MACROD2: variants seen among roughly 807,000 people sequenced by gnomAD.
The protein encoded by MACROD2 is ADP-ribose glycohydrolase MACROD2.
MACROD2 carries 36 observed loss-of-function variants against 70.4 expected under a neutral mutation model. That is an observed-to-expected ratio of 0.51 (90% CI 0.39 to 0.68). The LOEUF (loss-of-function observed/expected upper bound fraction) is 0.68. MACROD2 is among the 30% of genes least tolerant of loss of function. The probability of loss-of-function intolerance (pLI) is 0.00; values close to 1 mark genes in which losing one functional copy is unlikely to be tolerated. For synonymous variants in MACROD2, 172 were observed against 178.8 expected (o/e 0.96, Z 0.30); for missense variants, 496 against 538.4 (o/e 0.92, Z 0.78).
At chr20:15,085,859 A>G (rs2075743000) in intron 5 of MACROD2, among the ~76,000 whole-genome samples, 4 of 122,416 alleles carry the variant, frequency 3.3e-5, no homozygotes, top group South Asian at 2.6e-4. Context: ...AAGATGAATA[A>G]CACACACACA....
At chr20:15,516,713 A>G (rs1411857212) in intron 8 of MACROD2, among the ~76,000 whole-genome samples, 1 of 152,204 alleles carries the variant, frequency 6.6e-6, no homozygotes, top group Non-Finnish European at 1.5e-5. Flanking sequence ...TCCTCGGTCC[A>G]CAGACTCAAG....
chr20:15,680,563 C>T (rs1452146956), intron 8 of MACROD2, among the ~76,000 whole-genome samples: 2 of 152,158 alleles, frequency 1.3e-5, no homozygotes, highest in Non-Finnish European at 2.9e-5. Context: ...CCTTGATTGG[C>T]CACTACCTGT....
At chr20:15,339,193 A>G (rs2078080992) in intron 6 of MACROD2, among the ~76,000 whole-genome samples, 2 of 151,890 alleles carry the variant, frequency 1.3e-5, no homozygotes, top group African/African-American at 4.9e-5. Flanking sequence ...GGTACATGAT[A>G]GATACCTTTG....
intron 8 of MACROD2, among the ~76,000 whole-genome samples, chr20:15,747,211 G>A (rs1222101489): frequency 6.6e-6 from 1 of 152,076 alleles, no homozygotes; most frequent in Non-Finnish European, 1.5e-5. Flanking sequence ...CAAATAGGAG[G>A]CCTCTGAATG....
intron 4 of MACROD2, among the ~76,000 whole-genome samples, chr20:14,673,442 G>A (rs1034856365): frequency 6.6e-6 from 1 of 152,122 alleles, no homozygotes; most frequent in Non-Finnish European, 1.5e-5. Context: ...GGGTTTCCAT[G>A]GCTGGAGAGA....
chr20:14,229,307 C>G (rs191876312), intron 3 of MACROD2, among the ~76,000 whole-genome samples: 5 of 152,234 alleles, frequency 3.3e-5, no homozygotes, highest in Admixed American at 3.3e-4. Context: ...TGGGAGAAAA[C>G]TTTGTAAATA....
chr20:15,127,064 C>T (rs1227585419), intron 5 of MACROD2, among the ~76,000 whole-genome samples: 1 of 152,058 alleles, frequency 6.6e-6, no homozygotes, highest in Non-Finnish European at 1.5e-5. Context: ...ACTTCCACTG[C>T]CACACTCTTG....
intron 4 of MACROD2, among the ~76,000 whole-genome samples, chr20:14,541,278 G>C (rs935812148): frequency 6.6e-6 from 1 of 152,040 alleles, no homozygotes; most frequent in Non-Finnish European, 1.5e-5. Context: ...GTGCATTTAA[G>C]GTCTTCCCAT....
intron 3 of MACROD2, among the ~76,000 whole-genome samples, chr20:14,391,590 C>T (rs1335845935): frequency 6.6e-6 from 1 of 151,706 alleles, no homozygotes; most frequent in Non-Finnish European, 1.5e-5. Context: ...AGTTATGTAA[C>T]AAACCTCCAC....
At position 15,229,933 on chromosome 20, in the gene MACROD2, T is replaced by G. The variant is rs1317118060; in HGVS notation, c.419-7T>G. Reference sequence around the variant, plus strand: ...TATCCTCTTTTTCCTTCCTTTTGTATTTACAGATGTCATCCATACTGTAGG... The same window carrying G: ...TATCCTCTTTTTCCTTCCTTTTGTAGTTACAGATGTCATCCATACTGTAGG... On this transcript the variant is annotated splice_polypyrimidine_tract_variant and splice_region_variant and intron_variant, in intron 5 of 17. Transcript: ENST00000684519. 6.3e-7 allele frequency: 1 copy of G among 1,596,252 alleles called. No individual in the cohort carries two copies. The highest frequency in any genetic ancestry group is 2.2e-5 in the East Asian group (1 of 44,638).
chr20:15,987,325 G>C (rs903507916), intron 15 of MACROD2, among the ~76,000 whole-genome samples, 167 bp downstream of exon 15: 1 of 152,132 alleles, frequency 6.6e-6, no homozygotes, highest in African/African-American at 2.4e-5. Context: ...AAATCTAGAA[G>C]TAGCAAAAGA....
At chr20:15,162,414 C>T (rs76586979) in intron 5 of MACROD2, among the ~76,000 whole-genome samples, 25,579 of 151,944 alleles carry the variant, frequency 0.17, 2,913 homozygotes, top group Non-Finnish European at 0.26. Flanking sequence ...AGGTTATATT[C>T]GTGGTGAAAG....
chr20:14,785,608 C>G (rs2072360204), intron 5 of MACROD2, among the ~76,000 whole-genome samples: 1 of 152,024 alleles, frequency 6.6e-6, no homozygotes, highest in African/African-American at 2.4e-5. Context: ...AACAATGATA[C>G]ACAGTGTGTC....
chr20:14,231,656 G>C (rs1477487127), intron 3 of MACROD2, among the ~76,000 whole-genome samples: 1 of 152,174 alleles, frequency 6.6e-6, no homozygotes, highest in African/African-American at 2.4e-5. Context: ...TATATACCCA[G>C]TAATGGGATG....
intron 6 of MACROD2, among the ~76,000 whole-genome samples, chr20:15,407,227 G>A (rs2046015037): frequency 6.6e-6 from 1 of 152,172 alleles, no homozygotes; most frequent in East Asian, 1.9e-4. Flanking sequence ...GCTTTGTTCA[G>A]TTACAGGCGA....
At chr20:15,419,478 G>A (rs1465266488) in intron 6 of MACROD2, among the ~76,000 whole-genome samples, 1 of 152,176 alleles carries the variant, frequency 6.6e-6, no homozygotes, top group African/African-American at 2.4e-5. Context: ...GCTCCCAGGT[G>A]TATCTGTCCT....
intron 5 of MACROD2, among the ~76,000 whole-genome samples, chr20:15,069,017 C>T (rs1327730913): frequency 2.0e-5 from 3 of 152,192 alleles, no homozygotes; most frequent in African/African-American, 7.2e-5. Flanking sequence ...GAAGGCCAGG[C>T]TGACTCAGAT....
intron 8 of MACROD2, among the ~76,000 whole-genome samples, chr20:15,500,436 T>C (rs1438003591): frequency 6.6e-6 from 1 of 152,188 alleles, no homozygotes; most frequent in Non-Finnish European, 1.5e-5. Flanking sequence ...TAGTGATGAA[T>C]AGGGGAATTA....
chr20:15,222,262 C>G (rs1209896914), intron 5 of MACROD2, among the ~76,000 whole-genome samples: 4 of 152,108 alleles, frequency 2.6e-5, no homozygotes, highest in Non-Finnish European at 4.4e-5. Flanking sequence ...TCAATGATAT[C>G]TTCGGCAGAT....
Sources: allele counts gnomAD v4.1 joint callset (sites outside exome capture counted in the v4.1 genomes callset), GRCh38; gene constraint gnomAD v4.1.1; transcripts MANE v1.5; gene names NCBI Gene and HGNC (gene_info 2026-07-23, HGNC 2026-07-21).